AHCTF1: variants seen among roughly 807,000 people sequenced by gnomAD.
AHCTF1 encodes the protein protein ELYS.
Under a neutral mutation model 248.4 loss-of-function variants are expected in AHCTF1, and 24 were observed. The ratio of observed to expected loss-of-function variants is 0.10; its 90% CI spans 0.07 to 0.14. AHCTF1 has a LOEUF of 0.14. Among genes scored for constraint, AHCTF1 ranks in the 10% least tolerant of loss-of-function variants. The pLI, the probability that AHCTF1 is intolerant of heterozygous loss-of-function variation, is 1.00. For synonymous variants in AHCTF1, 786 were observed against 929.8 expected (o/e 0.85, Z 2.81); for missense variants, 2,206 against 2,636.2 (o/e 0.84, Z 3.57).
rs765712841 is a variant in AHCTF1, at chr1:246,890,016, T to A, written c.2094A>T (p.Val698=). The change falls in exon 17 of 36, where the codon GTA becomes GTT. Residue 698 remains valine (V), a synonymous_variant. Transcript: ENST00000648844. ...QLSRLCYNYP[V]IQNYYTSRRQ... is the part of the protein sequence containing the mutation. ...GACGACTGGTGTAGTAGTTCTGAAT[T>A]ACAGGGTAGTTGTAGCATAACCTTG... is the stretch of plus-strand genomic sequence containing the variant. The A allele has an allele frequency of 5.6e-6, 9 of 1,613,052 alleles. No individual in the cohort carries two copies. In the Admixed American group the frequency reaches 1.5e-4, roughly 27 times the overall value.
chr1:246,907,534 A>C lies in AHCTF1; in HGVS notation c.764+17T>G. The C allele has an allele frequency of 6.2e-7, 1 of 1,605,592 alleles. No individual in the cohort carries two copies. The highest frequency in any genetic ancestry group is 1.1e-5 in the South Asian group (1 of 89,820). On this transcript the variant is annotated intron_variant, in intron 5 of 35. Transcript: ENST00000648844. Reference sequence around the variant, plus strand: ...AAAACTACCTATAATCAAATAAGGGAAAAAAGTTATACTTACTCTCTTTTC... The same window carrying C: ...AAAACTACCTATAATCAAATAAGGGCAAAAAGTTATACTTACTCTCTTTTC...
chr1:246,900,022 G>T, intron 10 of AHCTF1, 43 bp downstream of exon 10: 1 of 1,524,270 alleles, frequency 6.6e-7, no homozygotes, highest in Non-Finnish European at 8.9e-7. Context: ...ACATACTTTT[G>T]TGCATTACTT....
intron 19 of AHCTF1, 132 bp downstream of exon 19, chr1:246,888,044 TG>T: frequency 1.1e-6 from 1 of 920,610 alleles, no homozygotes; most frequent in Non-Finnish European, 1.6e-6. Context: ...CAACAGATCC[TG>T]GGTTAACACC....
intron 33 of AHCTF1, among the ~76,000 whole-genome samples, chr1:246,846,166 TATTC>T (rs2103033201): frequency 6.6e-6 from 1 of 150,590 alleles, no homozygotes; most frequent in East Asian, 1.9e-4. Flanking sequence ...TGAAGTTTCA[TATTC>T]ATTTAGTAAA....
At position 246,840,978 on chromosome 1, in the gene AHCTF1, G is replaced by A; in HGVS notation, c.6629C>T (p.Ala2210Val). ...QASKNTEKES[A>V]WSPPPIEIRL... ...AATTTCTATGGGAGGAGGTGACCAA[G>A]CACTTTCTTTTTCTGTGTTTCTGAA... Residue 2210 changes from alanine (A) to valine (V), a missense_variant, in exon 36 of 36, where the codon GCT becomes GTT. Around this residue, in one of 6 missense-constraint regions of AHCTF1, gnomAD observed 469 missense variants for 470.0 expected, o/e 1.00. Coordinates refer to ENST00000648844, the MANE Select transcript of AHCTF1 (RefSeq NM_001323342.2). The A allele has an allele frequency of 6.2e-7, 1 of 1,605,632 alleles. No individual in the cohort carries two copies. Among genetic ancestry groups the A allele is most frequent in the Non-Finnish European group, 8.5e-7 (1 of 1,177,842 alleles).
rs1174038600 is a variant in AHCTF1, at chr1:246,853,078, T to G, written c.4563+13A>C. On this transcript the variant is annotated intron_variant, in intron 32 of 35. Coordinates refer to ENST00000648844, the MANE Select transcript of AHCTF1 (RefSeq NM_001323342.2). ...AAAGACTGATAAAGAAGTAAAAAAT[T>G]AATTTTTTTTACATGAATTTCTTGA... 3.1e-6 allele frequency: 5 copies of G among 1,597,356 alleles called. No individual in the cohort carries two copies. In the African/African-American group the frequency reaches 6.8e-5, roughly 22 times the overall value.
intron 27 of AHCTF1, among the ~76,000 whole-genome samples, 194 bp downstream of exon 27, chr1:246,863,730 T>C (rs916563424): frequency 2.0e-5 from 3 of 152,150 alleles, no homozygotes; most frequent in Non-Finnish European, 4.4e-5. Flanking sequence ...AAGAAAATAA[T>C]GTTAACTTTA....
chr1:246,915,127 C>T (rs1164893964), intron 3 of AHCTF1, among the ~76,000 whole-genome samples: 6 of 152,004 alleles, frequency 3.9e-5, no homozygotes, highest in African/African-American at 1.4e-4. Context: ...GTCAAGAGAT[C>T]GAGAGCAGCC....
At chr1:246,867,512 C>A (rs970632277) in intron 25 of AHCTF1, 149 bp downstream of exon 25, 2 of 1,143,102 alleles carry the variant, frequency 1.7e-6, no homozygotes, top group African/African-American at 3.2e-5. Flanking sequence ...TTTAAAAATT[C>A]TTCTCAGAAA....
At chr1:246,927,820 T>C (rs140742999) in intron 1 of AHCTF1, among the ~76,000 whole-genome samples, 3,702 of 151,800 alleles carry the variant, frequency 0.024, 170 homozygotes, top group African/African-American at 0.084. Context: ...CTGGCCAACA[T>C]GGTGAAACCC....
At chr1:246,869,086 C>A (rs113656994) in intron 24 of AHCTF1, among the ~76,000 whole-genome samples, 1 of 151,088 alleles carries the variant, frequency 6.6e-6, no homozygotes, top group East Asian at 1.9e-4. Flanking sequence ...CCTCGTGATC[C>A]GCCCGCCTTG....
In AHCTF1 at chr1:246,862,534, A is replaced by G. The variant is rs534240773; in HGVS notation, c.3541-381T>C. Among the ~76,000 whole-genome samples, 4 of 152,268 alleles carry G rather than the reference A, an allele frequency of 2.6e-5. No homozygotes were observed. The South Asian group carries it at 8.3e-4, about 32-fold the overall frequency. ...CAGATGGGGTCAACTGAGTCACAAT[A>G]GTGGTTATATTCTCATCTCATCTCC... On this transcript the variant is annotated intron_variant, in intron 27 of 35. Coordinates refer to ENST00000648844, the MANE Select transcript of AHCTF1 (RefSeq NM_001323342.2).
chr1:246,839,141 ATACGTAAGT>A lies in AHCTF1; in HGVS notation c.*1656_*1664del, dbSNP rs1342592591. ...TTATTCAAGCTATATAAAGACATTT[ATACGTAAGT>A]ACATACATTCATTTAAAATATATGT... is the stretch of plus-strand genomic sequence containing the variant. On this transcript the variant is annotated 3_prime_UTR_variant, in exon 36 of 36. Coordinates refer to ENST00000648844, the MANE Select transcript of AHCTF1 (RefSeq NM_001323342.2). 6.6e-6 allele frequency: 1 copy of A among 152,206 alleles called. No individual in the cohort carries two copies. Among genetic ancestry groups the A allele is most frequent in the Non-Finnish European group, 1.5e-5 (1 of 68,038 alleles). The allele number at this position is 152,206 out of a possible 1,614,324, so 9.4% of individuals were successfully genotyped here.
chr1:246,923,308 A>G (rs888792800), intron 1 of AHCTF1, among the ~76,000 whole-genome samples: 15 of 151,782 alleles, frequency 9.9e-5, no homozygotes, highest in East Asian at 2.0e-4. Context: ...CCAGCTACTC[A>G]GGAGGCTGAG....
intron 29 of AHCTF1, among the ~76,000 whole-genome samples, chr1:246,859,712 A>G (rs1661385724): frequency 6.6e-6 from 1 of 152,098 alleles, no homozygotes; most frequent in Admixed American, 6.5e-5. Flanking sequence ...AGTAGCTAGG[A>G]ATACAAGTGC....
chr1:246,867,416 G>C, intron 25 of AHCTF1, 65 bp from the exon 26 acceptor site: 1 of 1,115,816 alleles, frequency 9.0e-7, no homozygotes, highest in East Asian at 2.6e-5. Flanking sequence ...TGGATGAGAT[G>C]GGAGAACAGA....
At chr1:246,853,032 G>C in intron 32 of AHCTF1, 59 bp downstream of exon 32, 2 of 1,355,640 alleles carry the variant, frequency 1.5e-6, no homozygotes, top group South Asian at 2.8e-5. Context: ...ACTGTGTCTT[G>C]AAACAACTAA....
chr1:246,864,258 G>C, intron 26 of AHCTF1, 142 bp from the exon 27 acceptor site: 8 of 819,856 alleles, frequency 9.8e-6, no homozygotes, highest in Non-Finnish European at 1.5e-5. Context: ...AATCCAAAGT[G>C]CTACCATGCA....
In AHCTF1 at chr1:246,864,111, A is replaced by T. The variant is rs780505403; in HGVS notation, c.3353T>A (p.Leu1118Gln). The change falls in exon 27 of 36, where the codon CTA (leucine) becomes CAA (glutamine). Residue 1118 changes from leucine to glutamine, a missense_variant. Leu to Gln is a moderately radical substitution (Grantham distance 113). This residue lies in a region of AHCTF1 where 955 missense variants were observed against 1,055.6 expected (regional missense o/e 0.90). Coordinates refer to ENST00000648844, the MANE Select transcript of AHCTF1 (RefSeq NM_001323342.2). ...SKASQKISRL[L>Q]DLVVQPVPRP... Reference sequence around the variant, plus strand: ...GGGGACAGGCTGAACAACCAAATCTAGCAGTCTGTAATCAGAATGCGCATT... The same window carrying T: ...GGGGACAGGCTGAACAACCAAATCTTGCAGTCTGTAATCAGAATGCGCATT... The T allele has an allele frequency of 1.9e-6, 3 of 1,613,376 alleles. No homozygotes were observed. The highest frequency in any genetic ancestry group is 2.5e-6 in the Non-Finnish European group (3 of 1,179,730).
Sources: allele counts gnomAD v4.1 joint callset (sites outside exome capture counted in the v4.1 genomes callset), GRCh38; gene constraint gnomAD v4.1.1; regional missense constraint gnomAD v4.1.1; transcripts MANE v1.5; gene names NCBI Gene and HGNC (gene_info 2026-07-23, HGNC 2026-07-21).